PIP5K1C: variants seen among roughly 807,000 people sequenced by gnomAD.
The protein encoded by PIP5K1C is phosphatidylinositol 4-phosphate 5-kinase type-1 gamma.
A neutral mutation model predicts 80.1 loss-of-function variants in PIP5K1C; 45 were observed. The observed-to-expected ratio is 0.56, with a 90% CI of 0.44 to 0.72. PIP5K1C has a LOEUF of 0.72. PIP5K1C is among the 30% of genes least tolerant of loss of function. PIP5K1C has a pLI of 0.00. For missense variants in PIP5K1C, 753 were observed against 954.6 expected (o/e 0.79, Z 2.78); for synonymous variants, 498 against 420.1 (o/e 1.19, Z -2.27).
In PIP5K1C at chr19:3,646,070, T is replaced by A; in HGVS notation, c.1261-12A>T. On this transcript the variant is annotated splice_polypyrimidine_tract_variant and intron_variant, in intron 10 of 17. Coordinates refer to ENST00000335312, the MANE Select transcript of PIP5K1C (RefSeq NM_012398.3). Reference sequence around the variant, plus strand: ...ACGGACACCGTGTCCTGGAAGAGAGTTGGGGGGGGTGCCCGGGGGCAGAGG... The same window carrying A: ...ACGGACACCGTGTCCTGGAAGAGAGATGGGGGGGGTGCCCGGGGGCAGAGG... 6.6e-7 allele frequency: 1 copy of A among 1,521,116 alleles called. No homozygotes were observed. Among genetic ancestry groups the A allele is most frequent in the Non-Finnish European group, 9.0e-7 (1 of 1,112,316 alleles). The allele number at this position is 1,521,116 out of a possible 1,614,324, so 94.2% of individuals were successfully genotyped here. A position where few individuals can be genotyped will look rare whatever the true frequency, so the allele number is the denominator to read the frequency against.
chr19:3,661,898 T>C lies in PIP5K1C; in HGVS notation c.323A>G (p.Tyr108Cys), dbSNP rs1252601958. ...GGGGAAGAAGATGCTCTCCACCACGTAGAAGTCCTGCATGAGCACGTCGCG... is the reference window on the plus strand; with the variant it reads ...GGGGAAGAAGATGCTCTCCACCACGCAGAAGTCCTGCATGAGCACGTCGCG... ...PERDVLMQDF[Y>C]VVESIFFPSE... The change falls in exon 4 of 18, where the codon TAC becomes TGC. Residue 108 changes from tyrosine (Y) to cysteine (C), a missense_variant. Transcript: ENST00000335312. 1.9e-6 allele frequency: 3 copies of C among 1,612,886 alleles called. No individual in the cohort carries two copies. Among genetic ancestry groups the C allele is most frequent in the East Asian group, 2.2e-5 (1 of 44,876 alleles).
At position 3,637,044 on chromosome 19, in the gene PIP5K1C, T is replaced by G; in HGVS notation, c.1920+1840A>C. The G allele has an allele frequency of 8.8e-7, 1 of 1,135,066 alleles. No homozygotes were observed. Among genetic ancestry groups the G allele is most frequent in the South Asian group, 2.3e-5 (1 of 44,018 alleles). 70.3% of individuals were successfully genotyped at this position (1,135,066 alleles called of 1,614,324 possible). ...AGCGCCTCCATCTGTGAGGTGGGTG[T>G]GGAGAGACCATCTCCTCCCCGTCTC... On this transcript the variant is annotated intron_variant, in intron 16 of 17. Transcript: ENST00000335312. This position sits in a 1 kb window ranked among gnomAD's most constrained non-coding sequence, Gnocchi z 7.0.
rs1295365325 is a variant in PIP5K1C, at chr19:3,632,125, C to T, written c.*1042G>A. On this transcript the variant is annotated 3_prime_UTR_variant, in exon 18 of 18. Coordinates refer to ENST00000335312, the MANE Select transcript of PIP5K1C (RefSeq NM_012398.3). ...GAGTCGGAAACAAAGTCTTCTCTCCCCTCCTCGGAGACATCACATCACTTA... is the reference window on the plus strand; with the variant it reads ...GAGTCGGAAACAAAGTCTTCTCTCCTCTCCTCGGAGACATCACATCACTTA... 1 of 152,330 alleles carries T rather than the reference C, an allele frequency of 6.6e-6. No homozygotes were observed. Among genetic ancestry groups the T allele is most frequent in the Non-Finnish European group, 1.5e-5 (1 of 68,088 alleles). 9.4% of individuals were successfully genotyped at this position (152,330 alleles called of 1,614,324 possible). A position where few individuals can be genotyped will look rare whatever the true frequency, so the allele number is the denominator to read the frequency against.
intron 16 of PIP5K1C, 125 bp downstream of exon 16, chr19:3,638,759 T>C: frequency 1.6e-6 from 2 of 1,254,236 alleles, no homozygotes; most frequent in South Asian, 2.5e-5. Context: ...AGCATGTGGG[T>C]GGGTCGACAG....
chr19:3,672,083 G>A lies in PIP5K1C; in HGVS notation c.95-4730C>T, dbSNP rs528155095. Among the ~76,000 whole-genome samples the A allele has an allele frequency of 4.3e-4, 65 of 152,264 alleles. No individual in the cohort carries two copies. The South Asian group carries it at 4.8e-3, about 11-fold the overall frequency. ...GGACGTGGTGGCGACCCGGGCCTGC[G>A]GTGCACGGCTCTGATCGCTGGCTGC... On this transcript the variant is annotated intron_variant, in intron 1 of 17. Transcript: ENST00000335312.
intron 1 of PIP5K1C, among the ~76,000 whole-genome samples, chr19:3,687,963 C>G (rs1368269741): frequency 6.6e-6 from 1 of 152,222 alleles, no homozygotes; most frequent in Admixed American, 6.5e-5. Flanking sequence ...AAAGAGGCTC[C>G]ACTCTCAGCA....
intron 1 of PIP5K1C, among the ~76,000 whole-genome samples, chr19:3,697,215 T>TAAGCTGGACCGGGGAGGACC (rs1600104186): frequency 7.2e-6 from 1 of 139,798 alleles, no homozygotes; most frequent in South Asian, 2.4e-4. Flanking sequence ...GGAGGAGGAC[T>TAAGCTGGACCGGGGAGGACC]AAGCTGGACC....
At chr19:3,670,096 C>T (rs544531648) in intron 1 of PIP5K1C, among the ~76,000 whole-genome samples, 5 of 72,008 alleles carry the variant, frequency 6.9e-5, no homozygotes, top group African/African-American at 1.1e-4. Flanking sequence ...CTGGGGCAGG[C>T]GGCAGGTGGG....
At position 3,639,027 on chromosome 19, in the gene PIP5K1C, G is replaced by A; in HGVS notation, c.1788-11C>T. On this transcript the variant is annotated splice_polypyrimidine_tract_variant and intron_variant, in intron 15 of 17. Transcript: ENST00000335312. ...GGGGAAGCCTCCACCCTGGGGACAG[G>A]AGTAGACAGAGGGTCTTGACCCTCA... 1 of 1,609,156 alleles carries A rather than the reference G, an allele frequency of 6.2e-7. No individual in the cohort carries two copies. Among genetic ancestry groups the A allele is most frequent in the Non-Finnish European group, 8.5e-7 (1 of 1,179,844 alleles).
intron 1 of PIP5K1C, among the ~76,000 whole-genome samples, chr19:3,679,408 T>A (rs1469931617): frequency 1.3e-5 from 2 of 152,146 alleles, no homozygotes; most frequent in African/African-American, 2.4e-5. Flanking sequence ...GCCTCTCACC[T>A]CCCCAGGGAG....
chr19:3,652,093 C>G (rs2034473349), intron 7 of PIP5K1C, 62 bp from the exon 8 acceptor site: 1 of 1,534,208 alleles, frequency 6.5e-7, no homozygotes, highest in Non-Finnish European at 9.0e-7. Context: ...ACAACGGCTC[C>G]CGGACCCTAT....
chr19:3,656,700 G>A (rs2034646637), intron 5 of PIP5K1C, 143 bp from the exon 6 acceptor site: 9 of 975,496 alleles, frequency 9.2e-6, no homozygotes, highest in South Asian at 6.9e-5. Context: ...CAGAGAGGGC[G>A]AGAGACTTGC....
intron 5 of PIP5K1C, among the ~76,000 whole-genome samples, chr19:3,657,649 C>T (rs2034680784): frequency 6.6e-6 from 1 of 151,968 alleles, no homozygotes; most frequent in Admixed American, 6.6e-5. Context: ...GGAGGCCAGG[C>T]ACGGCGGCTC....
intron 1 of PIP5K1C, among the ~76,000 whole-genome samples, chr19:3,697,124 C>A (rs996850484): frequency 2.0e-5 from 3 of 146,872 alleles, no homozygotes; most frequent in African/African-American, 7.7e-5. Flanking sequence ...CCGAGCCAGA[C>A]GAAGGAGGAC....
At chr19:3,662,908 C>T (rs2034885220) in intron 3 of PIP5K1C, among the ~76,000 whole-genome samples, 1 of 152,194 alleles carries the variant, frequency 6.6e-6, no homozygotes, top group Non-Finnish European at 1.5e-5. Context: ...ACTGCCCAGG[C>T]TGGAATGCAG....
chr19:3,638,806 C>A, intron 16 of PIP5K1C, 78 bp downstream of exon 16: 2 of 1,571,676 alleles, frequency 1.3e-6, no homozygotes, highest in Admixed American at 1.7e-5. Flanking sequence ...TGTGTGTATG[C>A]GGTGTGCACA....
chr19:3,697,183 A>C (rs545164378), intron 1 of PIP5K1C, among the ~76,000 whole-genome samples: 72 of 150,970 alleles, frequency 4.8e-4, no homozygotes, highest in African/African-American at 1.7e-3. Flanking sequence ...ACCAAGCTGG[A>C]CTGGGGAGGA....
intron 1 of PIP5K1C, among the ~76,000 whole-genome samples, chr19:3,676,159 C>T (rs893107255): frequency 6.6e-6 from 1 of 152,144 alleles, no homozygotes; most frequent in Non-Finnish European, 1.5e-5. Flanking sequence ...CCCGCGTGAC[C>T]GTCTCTAACC....
At chr19:3,671,189 G>A (rs918470373) in intron 1 of PIP5K1C, among the ~76,000 whole-genome samples, 5 of 152,194 alleles carry the variant, frequency 3.3e-5, no homozygotes, top group Admixed American at 1.3e-4. Context: ...CTCTACTCGC[G>A]AAACCACCCC....
Sources: allele counts gnomAD v4.1 joint callset (sites outside exome capture counted in the v4.1 genomes callset), GRCh38; gene constraint gnomAD v4.1.1; non-coding constraint Gnocchi (gnomAD v3.1); transcripts MANE v1.5; gene names NCBI Gene and HGNC (gene_info 2026-07-23, HGNC 2026-07-21).